Variants in CMTM8 observed in about 807,000 individuals in gnomAD.
The protein encoded by CMTM8 is CKLF like MARVEL transmembrane domain containing 8, also known as CKLF-like MARVEL transmembrane domain-containing protein 8.
In CMTM8, 12 loss-of-function variants were observed where a neutral mutation model predicts 18.6. The ratio of observed to expected loss-of-function variants is 0.65; its 90% CI spans 0.41 to 1.05. CMTM8 has a LOEUF of 1.05. CMTM8 is among the 50% of genes least tolerant of loss of function. The pLI is 0.00. For missense variants in CMTM8, 217 were observed against 227.2 expected (o/e 0.95, Z 0.29); for synonymous variants, 87 against 90.6 (o/e 0.96, Z 0.23).
intron 3 of CMTM8, among the ~76,000 whole-genome samples, chr3:32,369,337 G>A (rs563932068): frequency 6.6e-6 from 1 of 152,084 alleles, no homozygotes; most frequent in Non-Finnish European, 1.5e-5. Flanking sequence ...TAAAAGTAGA[G>A]CATATGGATG....
intron 1 of CMTM8, among the ~76,000 whole-genome samples, chr3:32,280,846 C>CA (rs60845487): frequency 0.13 from 8,686 of 67,922 alleles, 614 homozygotes; most frequent in Non-Finnish European, 0.15. Context: ...AGAAAATAGG[C>CA]AAAAAAAAAA....
rs1034229052 is a variant in CMTM8, at chr3:32,257,780, A to G, written c.147+18661A>G. On this transcript the variant is annotated intron_variant, in intron 1 of 3. Transcript: ENST00000307526. ...GTCATTTGGTGATTAATGGTTGTCCATGTTTGTAATAGTAGATGAGATGAC... is the reference window on the plus strand; with the variant it reads ...GTCATTTGGTGATTAATGGTTGTCCGTGTTTGTAATAGTAGATGAGATGAC... Among the ~76,000 whole-genome samples the G allele has an allele frequency of 2.6e-5, 4 of 151,994 alleles. No homozygotes were observed. The South Asian group carries it at 6.2e-4, about 24-fold the overall frequency.
At chr3:32,312,671 A>G (rs1293039866) in intron 1 of CMTM8, among the ~76,000 whole-genome samples, 1 of 152,032 alleles carries the variant, frequency 6.6e-6, no homozygotes, top group African/African-American at 2.4e-5. Context: ...ATCACTGGCC[A>G]TTGGTGATCA....
intron 1 of CMTM8, among the ~76,000 whole-genome samples, chr3:32,240,574 C>T (rs531726250): frequency 6.6e-6 from 1 of 152,148 alleles, no homozygotes; most frequent in Non-Finnish European, 1.5e-5. Flanking sequence ...TCGATATGCT[C>T]TGTGTACTGC....
chr3:32,310,390 ACTGT>A (rs760584423), intron 1 of CMTM8, among the ~76,000 whole-genome samples: 3 of 152,156 alleles, frequency 2.0e-5, no homozygotes, highest in Non-Finnish European at 4.4e-5. Context: ...CTGTAGATAC[ACTGT>A]CTGGAGATGC....
At position 32,361,286 on chromosome 3, in the gene CMTM8, G is replaced by GTTTTTTTTTTTTTTTTTT. The variant is rs58364646; in HGVS notation, c.321+3749_321+3750insTTTTTTTTTTTTTTTTTT. ...GTGAGCCACGGCGCCCAGCCTAAGA[G>GTTTTTTTTTTTTTTTTTT]TTTTTTTTTCTTTCAAATTTTGGAA... On this transcript the variant is annotated intron_variant, in intron 2 of 3. Transcript: ENST00000307526. Among the ~76,000 whole-genome samples the GTTTTTTTTTTTTTTTTTT allele has an allele frequency of 4.2e-4, 37 of 87,236 alleles. 1 individual carries two copies. The highest frequency in any genetic ancestry group is 6.2e-4 in the Admixed American group (5 of 8,048). The allele number at this position is 87,236 out of a possible 152,430, so 57.2% of individuals were successfully genotyped here.
chr3:32,339,592 G>T (rs1254492337), intron 1 of CMTM8, among the ~76,000 whole-genome samples: 1 of 152,196 alleles, frequency 6.6e-6, no homozygotes, highest in East Asian at 1.9e-4. Context: ...AAGCAGCAAG[G>T]CCTGAAGCCC....
At chr3:32,307,288 C>G in intron 1 of CMTM8, among the ~76,000 whole-genome samples, 1 of 152,142 alleles carries the variant, frequency 6.6e-6, no homozygotes, top group East Asian at 1.9e-4. Context: ...TTTCAGTGAG[C>G]TGAGATCGCA....
intron 2 of CMTM8, among the ~76,000 whole-genome samples, chr3:32,364,570 T>C (rs1696994678): frequency 6.6e-6 from 1 of 152,158 alleles, no homozygotes; most frequent in Admixed American, 6.5e-5. Context: ...CTGATTATAC[T>C]AAGCAGAGGG....
At chr3:32,257,655 T>A (rs941522285) in intron 1 of CMTM8, among the ~76,000 whole-genome samples, 1 of 152,186 alleles carries the variant, frequency 6.6e-6, no homozygotes, top group Non-Finnish European at 1.5e-5. Context: ...GATCTCTTTT[T>A]TATTGAATCA....
At chr3:32,313,624 A>C (rs1192465278) in intron 1 of CMTM8, among the ~76,000 whole-genome samples, 17 of 152,106 alleles carry the variant, frequency 1.1e-4, no homozygotes, top group Admixed American at 1.1e-3. Context: ...AATCTCTTGG[A>C]GAAATTGTTA....
At chr3:32,259,696 GGC>G (rs1702229152) in intron 1 of CMTM8, 10 of 1,128,602 alleles carry the variant, frequency 8.9e-6, no homozygotes, top group Non-Finnish European at 1.3e-5. Context: ...CAGACATCCA[GGC>G]CCAATATGAC....
chr3:32,239,464 C>T (rs1178420121), intron 1 of CMTM8, among the ~76,000 whole-genome samples: 3 of 152,004 alleles, frequency 2.0e-5, no homozygotes, highest in Non-Finnish European at 4.4e-5. Context: ...CCTTTCTCAC[C>T]TGATCTCCAC....
Position 32,300,696 on chromosome 3 carries a change from C to T in CMTM8, c.148-56677C>T, listed in dbSNP as rs1386660465. ...CTTTTAGGCTGGGCACGGTGGTTCACGCCTGTAATCCCAGCACTTTGGGAG... is the reference window on the plus strand; with the variant it reads ...CTTTTAGGCTGGGCACGGTGGTTCATGCCTGTAATCCCAGCACTTTGGGAG... On this transcript the variant is annotated intron_variant, in intron 1 of 3. Coordinates refer to ENST00000307526, the MANE Select transcript of CMTM8 (RefSeq NM_178868.5). Among the ~76,000 whole-genome samples, 4 of 152,148 alleles carry T rather than the reference C, an allele frequency of 2.6e-5. No homozygotes were observed. In the East Asian group the frequency reaches 5.8e-4, roughly 22 times the overall value.
chr3:32,278,890 C>T (rs1702559534), intron 1 of CMTM8, among the ~76,000 whole-genome samples: 1 of 152,138 alleles, frequency 6.6e-6, no homozygotes, highest in African/African-American at 2.4e-5. Flanking sequence ...TTAGTCACAG[C>T]CTGTACAGCT....
intron 1 of CMTM8, among the ~76,000 whole-genome samples, chr3:32,250,006 G>A (rs991632040): frequency 6.6e-6 from 1 of 152,094 alleles, no homozygotes; most frequent in African/African-American, 2.4e-5. Context: ...AAAAGTTGTA[G>A]GTCTTATATT....
At chr3:32,271,240 C>T (rs1169624920) in intron 1 of CMTM8, among the ~76,000 whole-genome samples, 1 of 152,180 alleles carries the variant, frequency 6.6e-6, no homozygotes, top group Non-Finnish European at 1.5e-5. Context: ...GATTCTCCTG[C>T]CTCAGCCTCC....
intron 1 of CMTM8, among the ~76,000 whole-genome samples, chr3:32,278,916 G>A (rs7644602): frequency 2.6e-5 from 4 of 151,848 alleles, no homozygotes; most frequent in African/African-American, 7.3e-5. Context: ...TGATGGAAAC[G>A]TGGCTAAATT....
At chr3:32,273,003 A>G (rs1177584818) in intron 1 of CMTM8, among the ~76,000 whole-genome samples, 2 of 152,234 alleles carry the variant, frequency 1.3e-5, no homozygotes, top group Non-Finnish European at 2.9e-5. Flanking sequence ...AAGTTGCTAA[A>G]CATCATTAGT....
Sources: allele counts gnomAD v4.1 joint callset (sites outside exome capture counted in the v4.1 genomes callset), GRCh38; gene constraint gnomAD v4.1.1; transcripts MANE v1.5; gene names NCBI Gene and HGNC (gene_info 2026-07-23, HGNC 2026-07-21).